Variants in NEDD4L observed in about 807,000 individuals in gnomAD.
The protein encoded by NEDD4L is E3 ubiquitin-protein ligase NEDD4-like.
NEDD4L carries 54 observed loss-of-function variants against 148.9 expected under a neutral mutation model. The ratio of observed to expected loss-of-function variants is 0.36; its 90% confidence interval spans 0.29 to 0.45. The LOEUF (loss-of-function observed/expected upper bound fraction) is 0.45, where lower values mean the gene tolerates loss of function less well. Ranked by LOEUF, NEDD4L falls within the 20% of genes least tolerant of loss-of-function variation. NEDD4L has a pLI of 1.00. For missense variants in NEDD4L, 856 were observed against 1,233.8 expected, an observed-to-expected ratio of 0.69 and a Z score of 4.59; for synonymous variants, 433 against 440.7, an observed-to-expected ratio of 0.98 and a Z score of 0.22.
At chr18:58,095,736 A>G (rs758298035) in intron 1 of NEDD4L, among the ~76,000 whole-genome samples, 6 of 152,176 alleles carry the variant, frequency 3.9e-5, no homozygotes, top group African/African-American at 9.7e-5. Flanking sequence ...ATTTTCCAAT[A>G]TTTTTATTTG....
chr18:58,372,382 A>G (rs771508616), intron 23 of NEDD4L: 1 of 151,778 alleles, frequency 6.6e-6, no homozygotes, highest in African/African-American at 2.4e-5. Flanking sequence ...AAAGCCGAGG[A>G]TTACAGGATT....
chr18:58,156,228 A>C (rs1035602069), intron 1 of NEDD4L, among the ~76,000 whole-genome samples: 3 of 152,206 alleles, frequency 2.0e-5, no homozygotes, highest in African/African-American at 7.2e-5. Flanking sequence ...AATTGTAAAC[A>C]TCTCTTGGAG....
intron 5 of NEDD4L, among the ~76,000 whole-genome samples, chr18:58,253,654 A>G (rs1243010280): frequency 1.3e-5 from 2 of 152,198 alleles, no homozygotes; most frequent in Non-Finnish European, 2.9e-5. Context: ...ATTGAGTATA[A>G]TATCTCTTGT....
intron 1 of NEDD4L, among the ~76,000 whole-genome samples, chr18:58,139,863 G>A (rs1364288976): frequency 6.6e-6 from 1 of 152,226 alleles, no homozygotes; most frequent in Non-Finnish European, 1.5e-5. Flanking sequence ...GGAGTGGAGA[G>A]AGGCGAGGAT....
chr18:58,272,884 C>G (rs1049560465), intron 5 of NEDD4L, among the ~76,000 whole-genome samples: 2 of 152,128 alleles, frequency 1.3e-5, no homozygotes, highest in East Asian at 3.9e-4. Flanking sequence ...ATGGTAGAGA[C>G]ACTCATAAGT....
chr18:58,248,092 G>GA (rs1343411080), intron 3 of NEDD4L, among the ~76,000 whole-genome samples: 5 of 151,890 alleles, frequency 3.3e-5, no homozygotes, highest in Admixed American at 6.6e-5. Context: ...GTGAAGTGAT[G>GA]GTTTTTTTTT....
chr18:58,215,314 A>G (rs1169464710), intron 2 of NEDD4L, among the ~76,000 whole-genome samples: 1 of 152,172 alleles, frequency 6.6e-6, no homozygotes, highest in Non-Finnish European at 1.5e-5. Context: ...CCATTTTATC[A>G]GTCTTTTCAT....
chr18:58,138,300 T>C (rs2033082699), intron 1 of NEDD4L, among the ~76,000 whole-genome samples: 1 of 137,572 alleles, frequency 7.3e-6, no homozygotes, highest in African/African-American at 2.7e-5. Context: ...TGCTGAGGCA[T>C]TGCTGGGTGA....
At chr18:58,089,941 G>A (rs2083973829) in intron 1 of NEDD4L, among the ~76,000 whole-genome samples, 1 of 151,018 alleles carries the variant, frequency 6.6e-6, no homozygotes. Context: ...CCAAGCTCAA[G>A]TGACTCTCCT....
intron 1 of NEDD4L, among the ~76,000 whole-genome samples, chr18:58,122,204 T>C (rs2030052244): frequency 6.6e-6 from 1 of 152,224 alleles, no homozygotes. Context: ...GACAAGTGTC[T>C]AAAACTCAAT....
At chr18:58,306,756 G>A (rs111893458) in intron 5 of NEDD4L, among the ~76,000 whole-genome samples, 311 of 152,122 alleles carry the variant, frequency 2.0e-3, no homozygotes, top group Admixed American at 3.1e-3. Flanking sequence ...CTCCCAAGTA[G>A]CTGAGATTAC....
intron 1 of NEDD4L, among the ~76,000 whole-genome samples, chr18:58,132,227 ATTG>A (rs1401117131): frequency 6.9e-6 from 1 of 145,410 alleles, no homozygotes; most frequent in African/African-American, 2.4e-5. Flanking sequence ...AGTTGTTGTT[ATTG>A]TTGTTTTGAT....
In NEDD4L at chr18:58,333,852, G is replaced by A; in HGVS notation, c.1025G>A (p.Ser342Asn). Residue 342 changes from serine (S) to asparagine (N), a missense_variant, in exon 12 of 31, where the codon AGT (serine) becomes AAT (asparagine). By Grantham distance (46) the Ser-to-Asn change is conservative (BLOSUM62 1). Coordinates refer to ENST00000400345, the MANE Select transcript of NEDD4L (RefSeq NM_001144967.3). ...CCCTCCTCAAGGTTGAGGTCATGCA[G>A]TGTCACCGACGCAGTTGCAGAACAG... ...REPSSRLRSC[S>N]VTDAVAEQGH... The A allele has an allele frequency of 1.2e-6, 2 of 1,613,814 alleles. No individual in the cohort carries two copies. The highest frequency in any genetic ancestry group is 1.7e-6 in the Non-Finnish European group (2 of 1,179,816).
At chr18:58,292,049 T>C (rs1384745122) in intron 5 of NEDD4L, among the ~76,000 whole-genome samples, 2 of 152,130 alleles carry the variant, frequency 1.3e-5, no homozygotes, top group African/African-American at 4.8e-5. Flanking sequence ...AGAACGCAGC[T>C]CTGGGGGTCT....
chr18:58,065,714 C>T (rs1462478685), intron 1 of NEDD4L, among the ~76,000 whole-genome samples: 2 of 152,220 alleles, frequency 1.3e-5, no homozygotes, highest in Non-Finnish European at 1.5e-5. Flanking sequence ...ATACTAGTCT[C>T]ATTACCTTAC....
Position 58,397,438 on chromosome 18 carries a change from G to A in NEDD4L, c.*1169G>A, listed in dbSNP as rs939003467. On this transcript the variant is annotated 3_prime_UTR_variant, in exon 31 of 31. Transcript: ENST00000400345. ...TTCCGGTGCAATATCTATCAATTGT[G>A]AATCTGGCTGCTGGTGTATAAAAAC... The A allele has an allele frequency of 3.9e-5, 6 of 152,338 alleles. No homozygotes were observed. Among genetic ancestry groups the A allele is most frequent in the Admixed American group, 1.3e-4 (2 of 15,274 alleles). 9.4% of individuals were successfully genotyped at this position (152,338 alleles called of 1,614,324 possible).
chr18:58,242,129 C>A (rs1266510777), intron 2 of NEDD4L, among the ~76,000 whole-genome samples: 2 of 152,188 alleles, frequency 1.3e-5, no homozygotes, highest in Admixed American at 1.3e-4. Context: ...ACGTAGCATG[C>A]TGCAGTTGGC....
chr18:58,108,852 G>A (rs565380504), intron 1 of NEDD4L, among the ~76,000 whole-genome samples: 63 of 152,338 alleles, frequency 4.1e-4, no homozygotes, highest in African/African-American at 1.3e-3. Context: ...TAAATAGGCA[G>A]AGTTTCCATC....
At chr18:58,269,074 T>G (rs1189235982) in intron 5 of NEDD4L, among the ~76,000 whole-genome samples, 1 of 151,984 alleles carries the variant, frequency 6.6e-6, no homozygotes, top group African/African-American at 2.4e-5. Flanking sequence ...CTTTGCCTCA[T>G]ATGTTCCAAT....
Sources: gnomAD v4.1 joint callset for allele counts (sites outside exome capture counted in the v4.1 genomes callset) on GRCh38, gnomAD v4.1.1 for gene constraint, MANE v1.5 for transcripts, NCBI Gene and HGNC (gene_info 2026-07-23, HGNC 2026-07-21) for gene names.